Variants in ASAP2 observed in about 807,000 individuals in gnomAD.
ASAP2 encodes the protein arf-GAP with SH3 domain, ANK repeat and PH domain-containing protein 2.
ASAP2 carries 45 observed loss-of-function variants against 131.4 expected under a neutral mutation model. That is an observed-to-expected ratio of 0.34 (90% CI 0.27 to 0.44). The LOEUF is 0.44. ASAP2 is among the 20% of genes least tolerant of loss of function. The pLI, the probability that ASAP2 is intolerant of heterozygous loss-of-function variation, is 1.00. For synonymous variants in ASAP2, 510 were observed against 503.0 expected (o/e 1.01, Z -0.19); for missense variants, 1,011 against 1,297.0 (o/e 0.78, Z 3.39).
chr2:9,375,387 G>A (rs1244781573), intron 17 of ASAP2, among the ~76,000 whole-genome samples: 2 of 152,154 alleles, frequency 1.3e-5, no homozygotes, highest in Non-Finnish European at 2.9e-5. Flanking sequence ...AGGGGTACTG[G>A]GGTAGAATAA....
chr2:9,327,833 TGAA>T lies in ASAP2; in HGVS notation c.610_612del (p.Lys204del). The T allele has an allele frequency of 6.3e-7, 1 of 1,594,082 alleles. No homozygotes were observed. Among genetic ancestry groups the T allele is most frequent in the Non-Finnish European group, 8.5e-7 (1 of 1,173,260 alleles). Reference sequence around the variant, plus strand: ...CTTTTCATTGTTCAACAGTATCTGCTGAAGGTCAACGAAATCAAGATTAAAAAG... The same window carrying T: ...CTTTTCATTGTTCAACAGTATCTGCTGGTCAACGAAATCAAGATTAAAAAG... On this transcript the variant is annotated inframe_deletion, in exon 7 of 28. Transcript: ENST00000281419.
Position 9,279,297 on chromosome 2 carries a change from C to T in ASAP2, c.127-20C>T. 6.2e-7 allele frequency: 1 copy of T among 1,611,614 alleles called. No homozygotes were observed. Among genetic ancestry groups the T allele is most frequent in the Non-Finnish European group, 8.5e-7 (1 of 1,177,730 alleles). On this transcript the variant is annotated intron_variant, in intron 1 of 27. Coordinates refer to ENST00000281419, the MANE Select transcript of ASAP2 (RefSeq NM_003887.3). ...TCTCAGCACAGACACGGTTTAATGA[C>T]TGTATTCTCTACATTTTAGGCTTTG... is the stretch of plus-strand genomic sequence containing the variant.
intron 24 of ASAP2, among the ~76,000 whole-genome samples, chr2:9,397,727 G>GAGATATATATATATATAT (rs897153464): frequency 1.3e-4 from 11 of 83,526 alleles, no homozygotes; most frequent in African/African-American, 6.9e-4. Context: ...AAATCAAAAG[G>GAGATATATATATATATAT]ATATATATAT....
chr2:9,303,431 G>A (rs1668623495), intron 3 of ASAP2, among the ~76,000 whole-genome samples: 1 of 152,184 alleles, frequency 6.6e-6, no homozygotes, highest in African/African-American at 2.4e-5. Context: ...GAAGAGCAAG[G>A]TGACTTGGCT....
intron 1 of ASAP2, among the ~76,000 whole-genome samples, chr2:9,210,190 T>G (rs1197010515): frequency 6.6e-6 from 1 of 152,218 alleles, no homozygotes; most frequent in Non-Finnish European, 1.5e-5. Context: ...TCCTGTTACT[T>G]TTCTTAATGC....
rs188994934 is a variant in ASAP2 at position 9,330,899 on chromosome 2, C to T, written c.686+2988C>T. 5.6e-4 allele frequency among the ~76,000 whole-genome samples: 86 copies of T among 152,292 alleles called. 1 individual carries two copies. The East Asian group carries it at 0.016, about 29-fold the overall frequency. ...TAAAAATATGAATCTTCCATTACTT[C>T]GTTTTTGGATATGAGAGAGAGTGTG... On this transcript the variant is annotated intron_variant, in intron 7 of 27. Transcript: ENST00000281419.
At chr2:9,323,578 C>T (rs1223216741) in intron 6 of ASAP2, among the ~76,000 whole-genome samples, 2 of 152,156 alleles carry the variant, frequency 1.3e-5, no homozygotes, top group Non-Finnish European at 2.9e-5. Flanking sequence ...TTCCCTTGTA[C>T]CAATGGAGTC....
chr2:9,220,656 T>C (rs2147977779), intron 1 of ASAP2, among the ~76,000 whole-genome samples: 1 of 152,364 alleles, frequency 6.6e-6, no homozygotes, highest in Non-Finnish European at 1.5e-5. Flanking sequence ...TAGATTGTTT[T>C]TTCACTCATT....
intron 21 of ASAP2, 115 bp downstream of exon 21, chr2:9,385,473 A>G: frequency 3.7e-6 from 3 of 807,314 alleles, no homozygotes; most frequent in Non-Finnish European, 6.1e-6. Flanking sequence ...AATGTAGCTT[A>G]CTTTATGCTT....
intron 3 of ASAP2, among the ~76,000 whole-genome samples, chr2:9,309,996 C>G (rs1669197483): frequency 6.6e-6 from 1 of 152,154 alleles, no homozygotes; most frequent in Non-Finnish European, 1.5e-5. Context: ...GCTTCCAGCA[C>G]TGGAAGGCTG....
At chr2:9,251,308 C>T (rs978247041) in intron 1 of ASAP2, among the ~76,000 whole-genome samples, 2 of 152,098 alleles carry the variant, frequency 1.3e-5, no homozygotes, top group Non-Finnish European at 2.9e-5. Flanking sequence ...CATTTGACTT[C>T]GTCCCACTCC....
chr2:9,378,897 C>T, intron 18 of ASAP2, 47 bp from the exon 19 acceptor site: 2 of 1,321,498 alleles, frequency 1.5e-6, no homozygotes, highest in African/African-American at 1.5e-5. Context: ...CCTGGTCGTC[C>T]AGCCTGTGAC....
At chr2:9,249,848 A>C (rs959424913) in intron 1 of ASAP2, among the ~76,000 whole-genome samples, 1 of 152,118 alleles carries the variant, frequency 6.6e-6, no homozygotes, top group African/African-American at 2.4e-5. Context: ...TACCCTGAAA[A>C]CACTCTGCTA....
At chr2:9,244,935 T>C (rs936452695) in intron 1 of ASAP2, among the ~76,000 whole-genome samples, 1 of 152,224 alleles carries the variant, frequency 6.6e-6, no homozygotes, top group African/African-American at 2.4e-5. Context: ...GAATAATTGC[T>C]TATTTGACAG....
intron 3 of ASAP2, among the ~76,000 whole-genome samples, chr2:9,315,687 G>C (rs1669621100): frequency 6.6e-6 from 1 of 152,056 alleles, no homozygotes; most frequent in Non-Finnish European, 1.5e-5. Context: ...AAATCTAGGC[G>C]TGCTTGCTGT....
intron 3 of ASAP2, among the ~76,000 whole-genome samples, chr2:9,312,333 T>A (rs1009010342): frequency 2.0e-5 from 3 of 152,188 alleles, no homozygotes; most frequent in Admixed American, 6.5e-5. Context: ...AGAATCCCCC[T>A]CATTGACCTG....
At chr2:9,378,881 G>GCAGT in intron 18 of ASAP2, 63 bp from the exon 19 acceptor site, 4 of 1,206,628 alleles carry the variant, frequency 3.3e-6, no homozygotes, top group Non-Finnish European at 4.3e-6. Flanking sequence ...TCCCTGCCGG[G>GCAGT]CAGTCCCTGG....
chr2:9,351,761 C>G lies in ASAP2; in HGVS notation c.1111+866C>G, dbSNP rs538451631. Among the ~76,000 whole-genome samples, 7 of 152,262 alleles carry G rather than the reference C, an allele frequency of 4.6e-5. No homozygotes were observed. The South Asian group carries it at 1.5e-3, about 32-fold the overall frequency. ...GTCACTTGTTATGTGATTCAGCGCT[C>G]CCAGCAAACTGCGGGTAATTATCAC... On this transcript the variant is annotated intron_variant, in intron 12 of 27. Transcript: ENST00000281419.
At chr2:9,303,885 A>G (rs6736437) in intron 3 of ASAP2, among the ~76,000 whole-genome samples, 45,411 of 152,164 alleles carry the variant, frequency 0.3, 7,127 homozygotes, top group Non-Finnish European at 0.36. Flanking sequence ...CAAAGATAGC[A>G]TGGTGAGGCC....
Sources: allele counts gnomAD v4.1 joint callset (sites outside exome capture counted in the v4.1 genomes callset), GRCh38; gene constraint gnomAD v4.1.1; transcripts MANE v1.5; gene names NCBI Gene and HGNC (gene_info 2026-07-23, HGNC 2026-07-21).